MEI4: variants seen among roughly 807,000 people sequenced by gnomAD.
MEI4 encodes meiosis-specific protein MEI4.
MEI4 carries 27 observed loss-of-function variants against 31.4 expected under a neutral mutation model. The ratio of observed to expected loss-of-function variants is 0.86; its 90% CI spans 0.63 to 1.19. The LOEUF (loss-of-function observed/expected upper bound fraction) is 1.19, where lower values mean the gene tolerates loss of function less well. Among genes scored for constraint, MEI4 ranks in the 50% most tolerant of loss-of-function variants. The probability of loss-of-function intolerance (pLI) is 0.00; values close to 1 mark genes in which losing one functional copy is unlikely to be tolerated. For missense variants in MEI4, 329 were observed against 398.9 expected (o/e 0.82, Z 1.49); for synonymous variants, 122 against 145.4 (o/e 0.84, Z 1.16).
chr6:77,757,696 A>G (rs763648392), intron 2 of MEI4, among the ~76,000 whole-genome samples: 2 of 152,218 alleles, frequency 1.3e-5, no homozygotes, highest in Non-Finnish European at 2.9e-5. Flanking sequence ...GATTAATGCA[A>G]TTGTTCTGTT....
At position 77,790,218 on chromosome 6, in the gene MEI4, C is replaced by T. The variant is rs540030240; in HGVS notation, c.768+28553C>T. Reference sequence around the variant, plus strand: ...AATTAAACACGAGAACACATGGACACGGCAAGTGGAACATCACACACCAGG... The same window carrying T: ...AATTAAACACGAGAACACATGGACATGGCAAGTGGAACATCACACACCAGG... On this transcript the variant is annotated intron_variant, in intron 3 of 4. Coordinates refer to ENST00000684080, the MANE Select transcript of MEI4 (RefSeq NM_001322247.2). Among the ~76,000 whole-genome samples the T allele has an allele frequency of 2.3e-4, 31 of 135,388 alleles. No individual in the cohort carries two copies. The South Asian group carries it at 5.4e-3, about 23-fold the overall frequency. 88.8% of individuals were successfully genotyped at this position (135,388 alleles called of 152,430 possible).
intron 2 of MEI4, among the ~76,000 whole-genome samples, chr6:77,706,114 A>AT (rs1258061983): frequency 6.6e-6 from 1 of 152,164 alleles, no homozygotes; most frequent in South Asian, 2.1e-4. Context: ...AACTAGAATT[A>AT]TTTTTCCCCA....
intron 3 of MEI4, among the ~76,000 whole-genome samples, chr6:77,827,221 G>A (rs1322954242): frequency 1.3e-5 from 2 of 151,772 alleles, no homozygotes; most frequent in African/African-American, 4.8e-5. Flanking sequence ...TTAGCTGGGT[G>A]TGGTGGCGGG....
intron 3 of MEI4, among the ~76,000 whole-genome samples, chr6:77,818,563 C>T (rs1390796838): frequency 6.6e-6 from 1 of 152,008 alleles, no homozygotes; most frequent in East Asian, 1.9e-4. Flanking sequence ...ATTTTAAAAC[C>T]ACCACTTGCT....
chr6:77,684,254 T>A (rs1460853934), intron 1 of MEI4, among the ~76,000 whole-genome samples: 1 of 151,142 alleles, frequency 6.6e-6, no homozygotes, highest in East Asian at 1.9e-4. Context: ...TTTTTAAAAA[T>A]TTTGTGGGTA....
chr6:77,906,203 A>C (rs1454537572), intron 4 of MEI4, among the ~76,000 whole-genome samples: 2 of 152,068 alleles, frequency 1.3e-5, no homozygotes, highest in Non-Finnish European at 2.9e-5. Context: ...GCAACTACTA[A>C]ATTATCGTGG....
chr6:77,810,840 T>C (rs948939997), intron 3 of MEI4, among the ~76,000 whole-genome samples: 1 of 152,186 alleles, frequency 6.6e-6, no homozygotes, highest in Non-Finnish European at 1.5e-5. Context: ...TTATAAATGA[T>C]TCTGTTTTAT....
At chr6:77,712,052 A>G (rs73762817) in intron 2 of MEI4, among the ~76,000 whole-genome samples, 5,602 of 152,274 alleles carry the variant, frequency 0.037, 276 homozygotes, top group African/African-American at 0.11. Flanking sequence ...GACTTCTTAT[A>G]TAAGCTGGCT....
chr6:77,704,797 A>C (rs770718227), intron 2 of MEI4, among the ~76,000 whole-genome samples: 2 of 152,166 alleles, frequency 1.3e-5, no homozygotes, highest in African/African-American at 4.8e-5. Flanking sequence ...AGTGTTTTGA[A>C]TGATTCAAAC....
intron 4 of MEI4, among the ~76,000 whole-genome samples, chr6:77,864,369 T>C (rs1356598001): frequency 4.0e-5 from 6 of 151,824 alleles, no homozygotes; most frequent in Non-Finnish European, 7.4e-5. Context: ...AGGCTCAAAA[T>C]AAAGGGATGG....
intron 4 of MEI4, among the ~76,000 whole-genome samples, chr6:77,919,592 C>G (rs376654613): frequency 5.6e-4 from 85 of 151,400 alleles, no homozygotes; most frequent in Admixed American, 8.6e-4. Flanking sequence ...AAAAGAACTA[C>G]AAAAGCAAGA....
intron 4 of MEI4, among the ~76,000 whole-genome samples, chr6:77,830,306 A>G (rs1401940370): frequency 6.6e-6 from 1 of 152,094 alleles, no homozygotes; most frequent in East Asian, 1.9e-4. Flanking sequence ...AGCAATGTGG[A>G]AAGTGAGTTT....
chr6:77,778,235 A>G (rs1768506061), intron 3 of MEI4, among the ~76,000 whole-genome samples: 1 of 152,134 alleles, frequency 6.6e-6, no homozygotes, highest in Admixed American at 6.5e-5. Flanking sequence ...AGGCATCCAT[A>G]GTAGAAAATC....
chr6:77,758,272 C>T (rs1767962700), intron 2 of MEI4, among the ~76,000 whole-genome samples: 1 of 151,970 alleles, frequency 6.6e-6, no homozygotes, highest in Admixed American at 6.6e-5. Flanking sequence ...TCATTGTCTC[C>T]TTTTAATTAT....
chr6:77,794,519 G>A lies in MEI4; in HGVS notation c.768+32854G>A, dbSNP rs550521372. Among the ~76,000 whole-genome samples the A allele has an allele frequency of 1.4e-3, 219 of 152,204 alleles. 1 individual carries two copies. The highest frequency in any genetic ancestry group is 4.6e-3 in the African/African-American group (190 of 41,558). ...CAGAGCTTGCAGTGAGCCGGACGGC[G>A]CCACTGCACTCCAGCCTGGGTGACA... is the stretch of plus-strand genomic sequence containing the variant. On this transcript the variant is annotated intron_variant, in intron 3 of 4. Coordinates refer to ENST00000684080, the MANE Select transcript of MEI4 (RefSeq NM_001322247.2).
chr6:77,790,514 T>C lies in MEI4; in HGVS notation c.768+28849T>C, dbSNP rs149392016. On this transcript the variant is annotated intron_variant, in intron 3 of 4. Transcript: ENST00000684080. ...ATGTCTAAACTCCACCACTATGCAA[T>C]ATACTTATGTAGCAAACCTGCACAT... is the stretch of plus-strand genomic sequence containing the variant. Among the ~76,000 whole-genome samples, 210 of 151,526 alleles carry C rather than the reference T, an allele frequency of 1.4e-3. 1 individual carries two copies. The highest frequency in any genetic ancestry group is 4.5e-3 in the African/African-American group (185 of 41,316).
At chr6:77,650,452 C>T (rs1298586494), upstream of MEI4, among the ~76,000 whole-genome samples, 1 of 152,242 alleles carries the variant, frequency 6.6e-6, no homozygotes, top group Non-Finnish European at 1.5e-5. Context: ...CGTTTCCCCG[C>T]TGGCTCTGGT....
intron 3 of MEI4, among the ~76,000 whole-genome samples, chr6:77,775,184 TTTTC>T (rs756526161): frequency 6.6e-6 from 1 of 152,242 alleles, no homozygotes; most frequent in East Asian, 1.9e-4. Flanking sequence ...CAAAGACCGT[TTTTC>T]TTTCTTCTAT....
intron 3 of MEI4, among the ~76,000 whole-genome samples, chr6:77,789,654 A>G (rs1768858240): frequency 6.6e-6 from 1 of 152,250 alleles, no homozygotes; most frequent in Non-Finnish European, 1.5e-5. Context: ...ACATGAAAAA[A>G]TGCTCTTCAT....
Sources: gnomAD v4.1 joint callset for allele counts (sites outside exome capture counted in the v4.1 genomes callset) on GRCh38, gnomAD v4.1.1 for gene constraint, MANE v1.5 for transcripts, NCBI Gene and HGNC (gene_info 2026-07-23, HGNC 2026-07-21) for gene names.